Variants in METTL15 observed in about 807,000 individuals in gnomAD.
METTL15 encodes 12S rRNA N(4)-cytidine methyltransferase METTL15.
METTL15 carries 34 observed loss-of-function variants against 38.3 expected under a neutral mutation model. That is an observed-to-expected ratio of 0.89 (90% confidence interval 0.68 to 1.18). METTL15 has a LOEUF of 1.18. Among genes scored for constraint, METTL15 ranks in the 50% most tolerant of loss-of-function variants. METTL15 has a pLI of 0.00. For synonymous variants in METTL15, 162 were observed against 170.9 expected, an observed-to-expected ratio of 0.95 and a Z score of 0.41; for missense variants, 438 against 498.4, an observed-to-expected ratio of 0.88 and a Z score of 1.15.
At chr11:28,293,373 C>A (rs543608844) in intron 5 of METTL15, among the ~76,000 whole-genome samples, 16 of 152,024 alleles carry the variant, frequency 1.1e-4, no homozygotes, top group African/African-American at 2.2e-4. Flanking sequence ...TGTAGATATG[C>A]GGCGTTATTT....
At chr11:28,221,050 A>T in intron 4 of METTL15, among the ~76,000 whole-genome samples, 1 of 151,942 alleles carries the variant, frequency 6.6e-6, no homozygotes. Context: ...TGGAGTTGCT[A>T]TTCTCGTGGA....
Position 28,143,817 on chromosome 11 carries a change from C to T in METTL15, c.270+30213C>T, listed in dbSNP as rs530582476. On this transcript the variant is annotated intron_variant, in intron 3 of 6. Coordinates refer to ENST00000407364, the MANE Select transcript of METTL15 (RefSeq NM_001113528.2). ...AGATATCTTGATCGTTGAGTAGTTC[C>T]ATCATTTAATGACTCGGTTTAGGAA... Among the ~76,000 whole-genome samples, 6 of 152,248 alleles carry T rather than the reference C, an allele frequency of 3.9e-5. No individual in the cohort carries two copies. The East Asian group carries it at 1.2e-3, about 29-fold the overall frequency.
intron 6 of METTL15, among the ~76,000 whole-genome samples, chr11:28,429,738 C>T (rs1850898269): frequency 1.9e-5 from 1 of 52,644 alleles, no homozygotes; most frequent in Non-Finnish European, 3.6e-5. Flanking sequence ...CTGCCTTGGC[C>T]TCCCAAAGTG....
rs1013223668 is a variant in METTL15, at chr11:28,110,294, T to A, written c.-125T>A. 2 of 152,174 alleles carry A rather than the reference T, an allele frequency of 1.3e-5. No individual in the cohort carries two copies. The highest frequency in any genetic ancestry group is 2.9e-5 in the Non-Finnish European group (2 of 68,048). 9.4% of individuals were successfully genotyped at this position (152,174 alleles called of 1,614,324 possible). ...ACCCAATCTGTCCGTCCTTACAAGT[T>A]TCCCCCAGGGGCAGGACCTAGACGC... is the stretch of plus-strand genomic sequence containing the variant. On this transcript the variant is annotated 5_prime_UTR_variant, in exon 2 of 7. Transcript: ENST00000407364.
chr11:28,388,518 C>T (rs949450641), intron 5 of METTL15, among the ~76,000 whole-genome samples: 1 of 152,064 alleles, frequency 6.6e-6, no homozygotes, highest in Non-Finnish European at 1.5e-5. Flanking sequence ...AAATACTTTA[C>T]ACTGAAAACT....
chr11:28,185,485 C>G (rs999555041), intron 3 of METTL15, among the ~76,000 whole-genome samples: 6 of 151,292 alleles, frequency 4.0e-5, no homozygotes, highest in African/African-American at 1.5e-4. Context: ...ATATACAAAT[C>G]ATCTTCAAAA....
intron 6 of METTL15, among the ~76,000 whole-genome samples, chr11:28,430,516 C>CA (rs1554924559): frequency 3.4e-5 from 1 of 29,620 alleles, no homozygotes; most frequent in African/African-American, 1.4e-4. Flanking sequence ...GTCAGCCCCC[C>CA]ACCCGGCCAG....
At chr11:28,128,129 T>C (rs1234837265) in intron 3 of METTL15, among the ~76,000 whole-genome samples, 2 of 152,150 alleles carry the variant, frequency 1.3e-5, no homozygotes, top group East Asian at 3.8e-4. Flanking sequence ...TTCCATTGAA[T>C]GCTCTGTGGG....
At chr11:28,196,679 T>G (rs1277841278) in intron 3 of METTL15, among the ~76,000 whole-genome samples, 1 of 151,982 alleles carries the variant, frequency 6.6e-6, no homozygotes, top group East Asian at 1.9e-4. Flanking sequence ...AAGACTTTTT[T>G]TTTTTAAAGG....
At chr11:28,426,991 C>T (rs972918919) in intron 6 of METTL15, among the ~76,000 whole-genome samples, 5 of 151,910 alleles carry the variant, frequency 3.3e-5, no homozygotes, top group Non-Finnish European at 7.4e-5. Flanking sequence ...TCGATGTTTT[C>T]GTCATGAAGT....
intron 6 of METTL15, among the ~76,000 whole-genome samples, chr11:28,495,149 C>T (rs1452785860): frequency 1.3e-5 from 2 of 152,144 alleles, no homozygotes; most frequent in African/African-American, 4.8e-5. Context: ...TTGTCCAACC[C>T]TCATGAACAT....
chr11:28,457,433 A>T (rs1166354966), intron 6 of METTL15, among the ~76,000 whole-genome samples: 1 of 152,206 alleles, frequency 6.6e-6, no homozygotes, highest in Non-Finnish European at 1.5e-5. Context: ...CATAATCCTT[A>T]AGCACTCTAT....
intron 6 of METTL15, among the ~76,000 whole-genome samples, chr11:28,508,897 T>A (rs1189210856): frequency 6.6e-6 from 1 of 152,172 alleles, no homozygotes; most frequent in Admixed American, 6.5e-5. Flanking sequence ...GTTTGGTAAA[T>A]CAAATGGGTT....
intron 2 of METTL15, 44 bp from the exon 3 acceptor site, chr11:28,113,274 C>G: frequency 7.5e-7 from 1 of 1,328,204 alleles, no homozygotes; most frequent in Non-Finnish European, 1.0e-6. Context: ...TTAGAACATT[C>G]TTTTAAAAAA....
At chr11:28,143,421 CATCTT>C (rs1217803957) in intron 3 of METTL15, among the ~76,000 whole-genome samples, 1 of 152,172 alleles carries the variant, frequency 6.6e-6, no homozygotes, top group African/African-American at 2.4e-5. Flanking sequence ...TTCCCTTTCT[CATCTT>C]TTGTTTTCAT....
rs190916847 is a variant in METTL15 at position 28,349,557 on chromosome 11, G to C, written c.*190-2533G>C. On this transcript the variant is annotated intron_variant and NMD_transcript_variant, in intron 3 of 7. Transcript: ENST00000532947. ...TCAGGTTTAGAGCCTTCTATAAGGA[G>C]TAGTATCTAGAATTTAATAACACTA... is the stretch of plus-strand genomic sequence containing the variant. 1.6e-4 allele frequency among the ~76,000 whole-genome samples: 24 copies of C among 152,332 alleles called. No individual in the cohort carries two copies. The East Asian group carries it at 3.9e-3, about 24-fold the overall frequency.
Position 28,400,451 on chromosome 11 carries a change from A to T in METTL15, c.*359-23848A>T, listed in dbSNP as rs79797388. On this transcript the variant is annotated intron_variant and NMD_transcript_variant, in intron 5 of 7. Transcript: ENST00000532947. ...GCTGAGTCCAGCACCTCAGATAAACATCAAGCTGGCTTCCCCTAATTAGTC... is the reference window on the plus strand; with the variant it reads ...GCTGAGTCCAGCACCTCAGATAAACTTCAAGCTGGCTTCCCCTAATTAGTC... 4.1e-3 allele frequency among the ~76,000 whole-genome samples: 624 copies of T among 152,080 alleles called. 6 individuals are homozygous for T. The highest frequency in any genetic ancestry group is 0.014 in the African/African-American group (574 of 41,528).
intron 4 of METTL15, among the ~76,000 whole-genome samples, chr11:28,259,350 G>A (rs1047707647): frequency 6.6e-6 from 1 of 151,986 alleles, no homozygotes; most frequent in South Asian, 2.1e-4. Context: ...GTTAGGGGAG[G>A]GATGATGCCA....
chr11:28,149,311 A>G (rs1849996960), intron 3 of METTL15, among the ~76,000 whole-genome samples: 1 of 151,822 alleles, frequency 6.6e-6, no homozygotes, highest in South Asian at 2.1e-4. Context: ...AGATGATAAT[A>G]TAATGACAAA....
Sources: gnomAD v4.1 joint callset for allele counts (sites outside exome capture counted in the v4.1 genomes callset) on GRCh38, gnomAD v4.1.1 for gene constraint, MANE v1.5 for transcripts, NCBI Gene and HGNC (gene_info 2026-07-23, HGNC 2026-07-21) for gene names.